Variants in TENM2 observed in about 807,000 individuals in gnomAD.
TENM2 encodes the protein teneurin-2.
In TENM2, 52 loss-of-function variants were observed where a neutral mutation model predicts 245.2. The ratio of observed to expected loss-of-function variants is 0.21; its 90% confidence interval spans 0.17 to 0.27. The LOEUF is 0.27. Ranked by LOEUF, TENM2 falls within the 10% of genes least tolerant of loss-of-function variation. The pLI, the probability that TENM2 is intolerant of heterozygous loss-of-function variation, is 1.00. For missense variants in TENM2, 3,046 were observed against 3,666.8 expected, an observed-to-expected ratio of 0.83 and a Z score of 4.37; for synonymous variants, 1,363 against 1,438.9, an observed-to-expected ratio of 0.95 and a Z score of 1.19.
chr5:167,804,623 C>G (rs566263044), intron 2 of TENM2, among the ~76,000 whole-genome samples: 8 of 152,050 alleles, frequency 5.3e-5, no homozygotes, highest in African/African-American at 1.7e-4. Context: ...TCAGATAGAT[C>G]GAATAAAGTT....
chr5:167,876,606 G>C (rs546230155), intron 3 of TENM2, among the ~76,000 whole-genome samples: 7 of 151,246 alleles, frequency 4.6e-5, no homozygotes, highest in Non-Finnish European at 1.0e-4. Flanking sequence ...TTGTTTTCTT[G>C]TTGTTGTTTG....
At chr5:168,098,933 A>G (rs112601325) in intron 9 of TENM2, among the ~76,000 whole-genome samples, 53 of 151,826 alleles carry the variant, frequency 3.5e-4, no homozygotes, top group African/African-American at 1.3e-3. Flanking sequence ...TTTTTTTGAG[A>G]TAGAGTCTCA....
chr5:168,151,507 A>C (rs1461777722), intron 12 of TENM2, among the ~76,000 whole-genome samples: 2 of 152,344 alleles, frequency 1.3e-5, no homozygotes, highest in East Asian at 3.9e-4. Flanking sequence ...TGTGCCATGC[A>C]TCATGGATTC....
chr5:167,630,061 C>T (rs1376721323), intron 2 of TENM2, among the ~76,000 whole-genome samples: 1 of 152,024 alleles, frequency 6.6e-6, no homozygotes, highest in Admixed American at 6.6e-5. Context: ...GTACAATGCA[C>T]ATATTTCTTT....
At chr5:168,170,541 G>A (rs1411750977) in intron 13 of TENM2, among the ~76,000 whole-genome samples, 1 of 152,002 alleles carries the variant, frequency 6.6e-6, no homozygotes, top group Non-Finnish European at 1.5e-5. Flanking sequence ...ACAGGAGGGA[G>A]GGAGGAAGGA....
chr5:167,905,145 AAAAG>A (rs1375307261), intron 3 of TENM2, among the ~76,000 whole-genome samples: 1 of 152,170 alleles, frequency 6.6e-6, no homozygotes, highest in Non-Finnish European at 1.5e-5. Context: ...ATCAGAGGTA[AAAAG>A]AAAGAAACCC....
At chr5:167,477,795 C>T (rs1285042705) in intron 2 of TENM2, among the ~76,000 whole-genome samples, 1 of 150,296 alleles carries the variant, frequency 6.7e-6, no homozygotes, top group African/African-American at 2.5e-5. Context: ...AGATGATAGA[C>T]AGATAGACAG....
intron 25 of TENM2, among the ~76,000 whole-genome samples, chr5:168,233,713 CA>C (rs968031126): frequency 2.0e-5 from 3 of 152,196 alleles, no homozygotes; most frequent in Non-Finnish European, 4.4e-5. Context: ...CTGATAAAGA[CA>C]TACCCAAGAC....
At chr5:167,762,381 C>T (rs1762737991) in intron 2 of TENM2, among the ~76,000 whole-genome samples, 1 of 152,198 alleles carries the variant, frequency 6.6e-6, no homozygotes, top group African/African-American at 2.4e-5. Flanking sequence ...GTAGACTAAA[C>T]TACATTAAGG....
At chr5:167,146,880 AT>A in the TENM2 span, among the ~76,000 whole-genome samples, 2 of 152,220 alleles carry the variant, frequency 1.3e-5, no homozygotes, top group African/African-American at 2.4e-5. Context: ...ATTAAAAAAA[AT>A]GAAACAATCA....
chr5:167,183,553 T>C, the TENM2 span, among the ~76,000 whole-genome samples: 19 of 152,322 alleles, frequency 1.2e-4, no homozygotes, highest in African/African-American at 4.6e-4. Flanking sequence ...GTTGAATAAA[T>C]GTATCATGTT....
At chr5:167,045,850 A>T in the TENM2 span, among the ~76,000 whole-genome samples, 3 of 152,222 alleles carry the variant, frequency 2.0e-5, no homozygotes, top group Admixed American at 6.5e-5. Flanking sequence ...GAACATAGGG[A>T]GTCCAATCTG....
the TENM2 span, among the ~76,000 whole-genome samples, chr5:167,097,503 G>A: frequency 0.31 from 47,804 of 151,878 alleles, 9,465 homozygotes; most frequent in Non-Finnish European, 0.46. Flanking sequence ...CATCATCTCC[G>A]GGCACTCGCC....
At chr5:167,396,613 AGTGT>A (rs1363343360) in intron 2 of TENM2, among the ~76,000 whole-genome samples, 1 of 152,150 alleles carries the variant, frequency 6.6e-6, no homozygotes. Flanking sequence ...GACAAGAAGC[AGTGT>A]GTATCTCTTT....
At chr5:168,152,632 T>C (rs775292054) in intron 12 of TENM2, among the ~76,000 whole-genome samples, 29 of 152,230 alleles carry the variant, frequency 1.9e-4, no homozygotes, top group Non-Finnish European at 4.0e-4. Flanking sequence ...TGGACAGCTG[T>C]GGGAATAAGC....
At chr5:167,239,850 G>A in the TENM2 span, among the ~76,000 whole-genome samples, 5 of 152,080 alleles carry the variant, frequency 3.3e-5, no homozygotes, top group Admixed American at 6.6e-5. Flanking sequence ...TCAGCTAACC[G>A]CAACCTCTGC....
the TENM2 span, among the ~76,000 whole-genome samples, chr5:167,216,186 A>AT: frequency 1.3e-5 from 2 of 152,198 alleles, no homozygotes; most frequent in African/African-American, 2.4e-5. Context: ...AGGCAGTCAC[A>AT]TTTCAAAGTC....
chr5:167,005,864 G>A, the TENM2 span, among the ~76,000 whole-genome samples: 6 of 151,844 alleles, frequency 4.0e-5, no homozygotes, highest in Non-Finnish European at 8.8e-5. Flanking sequence ...GCTTCACCAT[G>A]TTGGTCAGGC....
At chr5:168,205,293 C>G (rs1220521227) in intron 19 of TENM2, among the ~76,000 whole-genome samples, 17 of 151,170 alleles carry the variant, frequency 1.1e-4, no homozygotes, top group Non-Finnish European at 7.4e-5. Context: ...GAATGTATAC[C>G]ATGTCCCAGG....
Sources: gnomAD v4.1 joint callset for allele counts (sites outside exome capture counted in the v4.1 genomes callset) on GRCh38, gnomAD v4.1.1 for gene constraint, MANE v1.5 for transcripts, NCBI Gene and HGNC (gene_info 2026-07-23, HGNC 2026-07-21) for gene names.